Variants in NUP210 observed in about 807,000 individuals in gnomAD.
The protein encoded by NUP210 is nuclear pore membrane glycoprotein 210.
NUP210 carries 151 observed loss-of-function variants against 196.0 expected under a neutral mutation model. The ratio of observed to expected loss-of-function variants is 0.77; its 90% CI spans 0.67 to 0.88. The LOEUF (loss-of-function observed/expected upper bound fraction) is 0.88. Among genes scored for constraint, NUP210 ranks in the 40% least tolerant of loss-of-function variants. NUP210 has a pLI of 0.00. For synonymous variants in NUP210, 1,070 were observed against 1,052.7 expected (o/e 1.02, Z -0.32); for missense variants, 2,314 against 2,493.7 (o/e 0.93, Z 1.53).
chr3:13,342,013 G>C lies in NUP210; in HGVS notation c.3075C>G (p.Ser1025=). ...GAACTCACACCAATGTAATGATCGG[G>C]GAGGCTGCTCGGAGCTTCAGGTCCA... ...PFMDLKLRAA[S]PIITLVALDE... Residue 1025 remains serine (S), a synonymous_variant, in exon 22 of 40, where the codon TCC becomes TCG. Coordinates refer to ENST00000254508, the MANE Select transcript of NUP210 (RefSeq NM_024923.4). The C allele has an allele frequency of 6.2e-7, 1 of 1,614,190 alleles. No individual in the cohort carries two copies. Among genetic ancestry groups the C allele is most frequent in the Non-Finnish European group, 8.5e-7 (1 of 1,180,036 alleles).
intron 4 of NUP210, among the ~76,000 whole-genome samples, chr3:13,389,653 G>A (rs938919184): frequency 4.6e-5 from 7 of 152,146 alleles, no homozygotes; most frequent in African/African-American, 1.7e-4. Flanking sequence ...TGAGGACGTC[G>A]GCCTGGAGTT....
chr3:13,383,167 T>A (rs1699157581), intron 6 of NUP210, among the ~76,000 whole-genome samples: 1 of 152,132 alleles, frequency 6.6e-6, no homozygotes, highest in Admixed American at 6.5e-5. Flanking sequence ...AAATAATTCA[T>A]CTAAAAGACT....
Position 13,399,831 on chromosome 3 carries a change from G to T in NUP210, c.198C>A (p.Ile66=). The T allele has an allele frequency of 2.5e-6, 4 of 1,612,176 alleles. No individual in the cohort carries two copies. The highest frequency in any genetic ancestry group is 3.4e-6 in the Non-Finnish European group (4 of 1,179,176). ...GCTGCTCGTCCAGGCCCAGCGGCTC[G>T]ATGCTGGCCACCTCCGGCCGGGTGG... ...WLSTRPEVAS[I]EPLGLDEQQC... is the part of the protein sequence containing the mutation. The change falls in exon 2 of 40, where the codon ATC becomes ATA. Residue 66 remains isoleucine (I), a synonymous_variant. Transcript: ENST00000254508.
intron 1 of NUP210, among the ~76,000 whole-genome samples, chr3:13,402,040 A>AT (rs1404103008): frequency 3.3e-5 from 5 of 152,164 alleles, no homozygotes; most frequent in Admixed American, 3.3e-4. Flanking sequence ...ACAAAAAAAA[A>AT]TTTTTTTAAT....
chr3:13,420,176 C>T lies in NUP210; in HGVS notation c.51G>A (p.Leu17=). ...GLLLLTLSVL[L]AAGPSAAAAK... is the part of the protein sequence containing the mutation. Reference sequence around the variant, plus strand: ...CCGCAGCGGCGGAGGGGCCCGCCGCCAACAGCACCGACAGCGTCAGCAGCA... The same window carrying T: ...CCGCAGCGGCGGAGGGGCCCGCCGCTAACAGCACCGACAGCGTCAGCAGCA... Residue 17 remains leucine, a synonymous_variant, in exon 1 of 40, where the codon TTG becomes TTA. Coordinates refer to ENST00000254508, the MANE Select transcript of NUP210 (RefSeq NM_024923.4). This position sits in a 1 kb window ranked among gnomAD's most constrained non-coding sequence, Gnocchi z 4.8. 7.9e-7 allele frequency: 1 copy of T among 1,260,892 alleles called. No individual in the cohort carries two copies. The highest frequency in any genetic ancestry group is 1.0e-6 in the Non-Finnish European group (1 of 985,770). 78.1% of individuals were successfully genotyped at this position (1,260,892 alleles called of 1,614,324 possible). A position where few individuals can be genotyped will look rare whatever the true frequency, so the allele number is the denominator to read the frequency against.
intron 4 of NUP210, among the ~76,000 whole-genome samples, chr3:13,389,358 C>T (rs1347095489): frequency 6.6e-6 from 1 of 152,184 alleles, no homozygotes; most frequent in Non-Finnish European, 1.5e-5. Flanking sequence ...TGTGCCAGGC[C>T]CAGAGAGGGG....
intron 26 of NUP210, 105 bp downstream of exon 26, chr3:13,337,732 C>T (rs952916950): frequency 1.3e-5 from 14 of 1,054,766 alleles, no homozygotes; most frequent in East Asian, 7.8e-5. Flanking sequence ...CCTAGATACC[C>T]GGGCCAGGCA....
At chr3:13,357,352 C>CGT (rs1400723192) in intron 16 of NUP210, among the ~76,000 whole-genome samples, 1 of 152,224 alleles carries the variant, frequency 6.6e-6, no homozygotes, top group Non-Finnish European at 1.5e-5. Context: ...CACTCTGCTG[C>CGT]GTGCCCTATT....
In NUP210 at chr3:13,390,858, C is replaced by T. The variant is rs536329980; in HGVS notation, c.533+353G>A. ...CGGCACAGCTGGCCTGTGCCCCAGC[C>T]GAAACCTGGCTGCCCTTTAACTGGC... On this transcript the variant is annotated intron_variant, in intron 4 of 39. Transcript: ENST00000254508. Among the ~76,000 whole-genome samples the T allele has an allele frequency of 6.1e-3, 936 of 152,330 alleles. 7 individuals carry two copies. Among genetic ancestry groups the T allele is most frequent in the Non-Finnish European group, 0.01 (688 of 68,020 alleles).
In NUP210 at chr3:13,321,806, T is replaced by C. The variant is rs1696542310; in HGVS notation, c.4945A>G (p.Arg1649Gly). ...TGCTTCCGCTGCTTGTCCGTCAGCC[T>C]GTGCATTGTGATTGAGCAGAAGTAC... The part of the protein sequence containing the change: ...GQYFCSITMH[R>G]LTDKQRKHLS... Residue 1649 changes from arginine (R) to glycine (G), a missense_variant, in exon 36 of 40, where the codon AGG (arginine) becomes GGG (glycine). Physicochemically the swap from Arg to Gly is moderately radical, Grantham distance 125. Coordinates refer to ENST00000254508, the MANE Select transcript of NUP210 (RefSeq NM_024923.4). 1 of 1,608,600 alleles carries C rather than the reference T, an allele frequency of 6.2e-7. No individual in the cohort carries two copies. The highest frequency in any genetic ancestry group is 1.1e-5 in the South Asian group (1 of 91,084).
chr3:13,388,427 T>C lies in NUP210; in HGVS notation c.560A>G (p.Tyr187Cys). The stretch of plus-strand genomic sequence containing the variant: ...CTCTGAGATGTAAGAAGGAGGGATG[T>C]ACGTAGACTCCAAGAAAGTGAGGAT... Reference protein sequence around the residue: ...LRILTFLESTYIPPSYISEME... With the variant: ...LRILTFLESTCIPPSYISEME... Residue 187 changes from tyrosine (Y) to cysteine (C), a missense_variant, in exon 5 of 40, where the codon TAC becomes TGC. Tyr to Cys is a radical substitution (Grantham distance 194, BLOSUM62 -2). Transcript: ENST00000254508. 1.9e-6 allele frequency: 3 copies of C among 1,610,488 alleles called. No individual in the cohort carries two copies. The highest frequency in any genetic ancestry group is 2.5e-6 in the Non-Finnish European group (3 of 1,178,672).
Position 13,355,860 on chromosome 3 carries a change from T to C in NUP210, c.2329-1753A>G, listed in dbSNP as rs150840883. Among the ~76,000 whole-genome samples, 39 of 152,254 alleles carry C rather than the reference T, an allele frequency of 2.6e-4. No individual in the cohort carries two copies. The East Asian group carries it at 6.9e-3, about 27-fold the overall frequency. Reference sequence around the variant, plus strand: ...ACCAATGCTCCTCCAGGGAAGGAAATTGACACTGGCCAAGCACATGTGCAA... The same window carrying C: ...ACCAATGCTCCTCCAGGGAAGGAAACTGACACTGGCCAAGCACATGTGCAA... On this transcript the variant is annotated intron_variant, in intron 16 of 39. Transcript: ENST00000254508.
At chr3:13,378,854 A>T in intron 8 of NUP210, 58 bp downstream of exon 8, 1 of 1,254,214 alleles carries the variant, frequency 8.0e-7, no homozygotes, top group Non-Finnish European at 1.2e-6. Context: ...TCTATTTTTT[A>T]AACTCATATA....
chr3:13,320,007 C>T, intron 36 of NUP210, 28 bp from the exon 37 acceptor site: 1 of 1,603,964 alleles, frequency 6.2e-7, no homozygotes, highest in South Asian at 1.1e-5. Flanking sequence ...GCTGGGGGTG[C>T]ACATTCTGCA....
intron 16 of NUP210, among the ~76,000 whole-genome samples, chr3:13,355,684 C>T (rs1698145687): frequency 6.6e-6 from 1 of 152,224 alleles, no homozygotes; most frequent in Non-Finnish European, 1.5e-5. Context: ...AATTCTTAAT[C>T]CACACCCTGC....
At chr3:13,335,384 C>T (rs371392702) in intron 28 of NUP210, 70 bp downstream of exon 28, 3 of 1,548,804 alleles carry the variant, frequency 1.9e-6, no homozygotes, top group Non-Finnish European at 8.8e-7. Context: ...CAACATGTGG[C>T]CCCGAAGGAA....
Position 13,328,877 on chromosome 3 carries a change from C to T in NUP210, c.4180G>A (p.Val1394Met), listed in dbSNP as rs767872519. The T allele has an allele frequency of 2.5e-6, 4 of 1,614,024 alleles. No homozygotes were observed. In the African/African-American group the frequency reaches 4.0e-5, roughly 16 times the overall value. The stretch of plus-strand genomic sequence containing the variant: ...ACGGTCATTCCCAAAGGCACGGCCA[C>T]CAGGGCCTCCTTGTTCTGGGTGTGC... ...VLHTQNKEAL[V>M]AVPLGMTVTF... Residue 1394 changes from valine to methionine, a missense_variant, in exon 31 of 40, where the codon GTG becomes ATG. Coordinates refer to ENST00000254508, the MANE Select transcript of NUP210 (RefSeq NM_024923.4).
rs114028992 is a variant in NUP210 at position 13,346,917 on chromosome 3, G to A, written c.2836-3614C>T. On this transcript the variant is annotated intron_variant, in intron 20 of 39. Transcript: ENST00000254508. ...CACTGAGTGGGGCCCTGGCCTGGGT[G>A]CTGGATGAAACTTCACACAGGGACC... is the stretch of plus-strand genomic sequence containing the variant. 8.5e-3 allele frequency among the ~76,000 whole-genome samples: 1,293 copies of A among 152,342 alleles called. 19 individuals are homozygous for A. The highest frequency in any genetic ancestry group is 0.03 in the African/African-American group (1,228 of 41,578).
intron 3 of NUP210, among the ~76,000 whole-genome samples, chr3:13,391,696 C>A (rs1699497978): frequency 6.7e-6 from 1 of 149,510 alleles, no homozygotes; most frequent in South Asian, 2.2e-4. Flanking sequence ...CTGCTCACCA[C>A]TTCCTGGGAG....
Sources: gnomAD v4.1 joint callset for allele counts (sites outside exome capture counted in the v4.1 genomes callset) on GRCh38, gnomAD v4.1.1 for gene constraint, Gnocchi (gnomAD v3.1) non-coding constraint, MANE v1.5 for transcripts, NCBI Gene and HGNC (gene_info 2026-07-23, HGNC 2026-07-21) for gene names.